The following MYO5A variants were observed in gnomAD, a reference collection of about 807,000 sequenced individuals.
MYO5A encodes unconventional myosin-Va.
In MYO5A, 98 loss-of-function variants were observed where a neutral mutation model predicts 249.7. The observed-to-expected ratio is 0.39, with a 90% CI of 0.33 to 0.46. MYO5A has a LOEUF of 0.46. MYO5A is among the 20% of genes least tolerant of loss of function. The pLI, the probability that MYO5A is intolerant of heterozygous loss-of-function variation, is 0.98. For synonymous variants in MYO5A, 778 were observed against 810.6 expected, an observed-to-expected ratio of 0.96 and a Z score of 0.68; for missense variants, 1,696 against 2,308.8, an observed-to-expected ratio of 0.73 and a Z score of 5.44.
intron 1 of MYO5A, among the ~76,000 whole-genome samples, chr15:52,462,122 C>T (rs1459132138): frequency 6.6e-6 from 1 of 151,282 alleles, no homozygotes; most frequent in East Asian, 1.9e-4. Context: ...AAAAATTAGC[C>T]AGGCATGGTG....
intron 36 of MYO5A, among the ~76,000 whole-genome samples, chr15:52,326,296 T>C (rs549110030): frequency 6.6e-6 from 1 of 152,248 alleles, no homozygotes; most frequent in Non-Finnish European, 1.5e-5. Context: ...AACTTTATGA[T>C]TTAGTTTTTT....
intron 25 of MYO5A, among the ~76,000 whole-genome samples, chr15:52,358,065 G>A (rs1364353836): frequency 6.6e-6 from 1 of 152,152 alleles, no homozygotes; most frequent in Non-Finnish European, 1.5e-5. Context: ...TCAGTCAAGG[G>A]CTCCTAGAAG....
intron 22 of MYO5A, 53 bp from the exon 23 acceptor site, chr15:52,367,177 A>C: frequency 6.9e-7 from 1 of 1,455,982 alleles, no homozygotes; most frequent in Non-Finnish European, 9.6e-7. Context: ...AGGAAGCCTG[A>C]TGACCAAGGA....
chr15:52,369,824 C>T (rs552979808), intron 22 of MYO5A, among the ~76,000 whole-genome samples: 39 of 151,452 alleles, frequency 2.6e-4, no homozygotes, highest in Admixed American at 2.0e-3. Flanking sequence ...GAGTCTACGC[C>T]CCAGACTGAC....
chr15:52,501,218 G>T lies in MYO5A; in HGVS notation c.27+27562C>A, dbSNP rs571808896. 2.0e-5 allele frequency among the ~76,000 whole-genome samples: 3 copies of T among 152,028 alleles called. No homozygotes were observed. The South Asian group carries it at 6.2e-4, about 32-fold the overall frequency. ...CATCTCCTGACCTCATGATCCACCC[G>T]CCTCGGCCTCCCAAAGTGCTGGGAT... On this transcript the variant is annotated intron_variant, in intron 1 of 41. Coordinates refer to ENST00000399233, the MANE Select transcript of MYO5A (RefSeq NM_001382347.1).
rs773832206 is a variant in MYO5A, at chr15:52,375,309, G to A, written c.2572C>T (p.Arg858Cys). 6.8e-6 allele frequency: 11 copies of A among 1,613,884 alleles called. No individual in the cohort carries two copies. Among genetic ancestry groups the A allele is most frequent in the East Asian group, 4.5e-5 (2 of 44,860 alleles). Residue 858 changes from arginine to cysteine, a missense_variant, in exon 20 of 42, where the codon CGC becomes TGC. This residue lies in a region of MYO5A where 412 missense variants were observed against 453.3 expected (regional missense o/e 0.91). Coordinates refer to ENST00000399233, the MANE Select transcript of MYO5A (RefSeq NM_001382347.1). ...AGTTGAAAATAATGCCTCACCTTGC[G>A]ATACCTATTTCTGGCCAAGAAGCCT... ...LRGFLARNRYRKILREHKAVI... is the reference protein window; with the variant it reads ...LRGFLARNRYCKILREHKAVI...
intron 27 of MYO5A, 52 bp from the exon 28 acceptor site, chr15:52,351,533 T>C (rs372500166): frequency 3.2e-4 from 492 of 1,534,874 alleles, no homozygotes; most frequent in Admixed American, 7.2e-4. Flanking sequence ...AACTTTACGT[T>C]GGATGCTCAA....
rs55753650 is a variant in MYO5A at position 52,524,553 on chromosome 15, C to CTAAATAAATAAA, written c.27+4215_27+4226dup. Among the ~76,000 whole-genome samples, 802 of 140,914 alleles carry CTAAATAAATAAA rather than the reference C, an allele frequency of 5.7e-3. 1 individual carries two copies. Among genetic ancestry groups the CTAAATAAATAAA allele is most frequent in the Non-Finnish European group, 7.4e-3 (480 of 64,662 alleles). The allele number at this position is 140,914 out of a possible 152,430, so 92.4% of individuals were successfully genotyped here. On this transcript the variant is annotated intron_variant, in intron 1 of 41. Transcript: ENST00000399233. ...TGGACAACAGAGTGAGACCCTGAAC[C>CTAAATAAATAAA]TAAATAAATAAATAAATAAATAAAT...
At chr15:52,456,576 G>A (rs992981227) in intron 1 of MYO5A, among the ~76,000 whole-genome samples, 2 of 151,076 alleles carry the variant, frequency 1.3e-5, no homozygotes, top group African/African-American at 4.9e-5. Context: ...ATACTATAAA[G>A]TTGTAGTAAC....
intron 1 of MYO5A, among the ~76,000 whole-genome samples, chr15:52,449,737 T>C (rs910481937): frequency 1.3e-5 from 2 of 152,192 alleles, no homozygotes; most frequent in African/African-American, 4.8e-5. Flanking sequence ...CAGTAGCTCA[T>C]GCCTGTAATC....
At chr15:52,486,863 C>T (rs796143967) in intron 1 of MYO5A, among the ~76,000 whole-genome samples, 6 of 152,256 alleles carry the variant, frequency 3.9e-5, no homozygotes, top group African/African-American at 1.4e-4. Context: ...ATAGAAGATT[C>T]CCACGAGGAC....
In MYO5A at chr15:52,460,033, CTT is replaced by C. The variant is rs1205116339; in HGVS notation, c.28-26750_28-26749del. Among the ~76,000 whole-genome samples the C allele has an allele frequency of 2.6e-5, 4 of 150,982 alleles. 1 individual carries two copies. The highest frequency in any genetic ancestry group is 4.2e-4 in the South Asian group (2 of 4,784). ...GGGGTCGCGGCCGGGCAGAGGCACT[CTT>C]TATATCTCAGACGGGGCGGCGGGGC... On this transcript the variant is annotated intron_variant, in intron 1 of 41. Coordinates refer to ENST00000399233, the MANE Select transcript of MYO5A (RefSeq NM_001382347.1).
intron 22 of MYO5A, 45 bp from the exon 23 acceptor site, chr15:52,367,169 G>A: frequency 1.3e-6 from 2 of 1,500,214 alleles, no homozygotes; most frequent in Admixed American, 1.7e-5. Flanking sequence ...ATGGACAGAG[G>A]AAGCCTGATG....
Position 52,370,246 on chromosome 15 carries a change from T to C in MYO5A, c.2989A>G (p.Lys997Glu). The C allele has an allele frequency of 6.2e-7, 1 of 1,614,136 alleles. No individual in the cohort carries two copies. Among genetic ancestry groups the C allele is most frequent in the Non-Finnish European group, 8.5e-7 (1 of 1,180,000 alleles). ...TCTGAACGAGTTTGCTCCAGGTCTT[T>C]CCGGAGCTTGGCAATTTCTTCCTGC... The part of the protein sequence containing the change: ...SLQEEIAKLR[K>E]DLEQTRSEKK... The change falls in exon 22 of 42, where the codon AAA becomes GAA. Residue 997 changes from lysine to glutamate, a missense_variant. Coordinates refer to ENST00000399233, the MANE Select transcript of MYO5A (RefSeq NM_001382347.1).
intron 1 of MYO5A, among the ~76,000 whole-genome samples, chr15:52,434,334 T>C (rs1232674151): frequency 6.6e-6 from 1 of 152,152 alleles, no homozygotes. Flanking sequence ...TTGCATCCTG[T>C]GCTCTGCAAA....
At chr15:52,403,218 T>C (rs145809258) in intron 9 of MYO5A, among the ~76,000 whole-genome samples, 42 of 152,304 alleles carry the variant, frequency 2.8e-4, no homozygotes, top group African/African-American at 7.7e-4. Flanking sequence ...AGAGGAAAGA[T>C]GGTGATGCAG....
At position 52,379,864 on chromosome 15, in the gene MYO5A, A is replaced by G; in HGVS notation, c.2057T>C (p.Val686Ala). Residue 686 changes from valine (V) to alanine (A), a missense_variant, in exon 17 of 42, where the codon GTC (valine) becomes GCC (alanine). Val to Ala is a moderately conservative substitution (Grantham distance 64). Transcript: ENST00000399233. ...CGCACTGATTCGGATGGTTTCCAGG[A>G]CACCACATGCTCTCAGCTGCTGCAC... is the stretch of plus-strand genomic sequence containing the variant. ...RAVQQLRACG[V>A]LETIRISAAG... 4 of 1,614,176 alleles carry G rather than the reference A, an allele frequency of 2.5e-6. No individual in the cohort carries two copies. The highest frequency in any genetic ancestry group is 3.4e-6 in the Non-Finnish European group (4 of 1,180,030).
intron 1 of MYO5A, among the ~76,000 whole-genome samples, chr15:52,487,277 A>G (rs1413321099): frequency 6.6e-6 from 1 of 152,018 alleles, no homozygotes; most frequent in Non-Finnish European, 1.5e-5. Flanking sequence ...TTAGCTGCAC[A>G]TGATGACACA....
chr15:52,505,828 C>T, intron 1 of MYO5A: 1 of 1,594,594 alleles, frequency 6.3e-7, no homozygotes. Flanking sequence ...GGACTATGTG[C>T]AGCCCATGGA....
Sources: allele counts gnomAD v4.1 joint callset (sites outside exome capture counted in the v4.1 genomes callset), GRCh38; gene constraint gnomAD v4.1.1; regional missense constraint gnomAD v4.1.1; transcripts MANE v1.5; gene names NCBI Gene and HGNC (gene_info 2026-07-23, HGNC 2026-07-21).